Variants in STEAP3 observed in about 807,000 individuals in gnomAD.
STEAP3 encodes STEAP3 metalloreductase.
Under a neutral mutation model 34.9 loss-of-function variants are expected in STEAP3, and 35 were observed. That is an observed-to-expected ratio of 1.00 (90% CI 0.76 to 1.33). The LOEUF (loss-of-function observed/expected upper bound fraction) is 1.33, where lower values mean the gene tolerates loss of function less well. Ranked by LOEUF, STEAP3 falls within the 40% of genes most tolerant of loss-of-function variation. The pLI is 0.00. For missense variants in STEAP3, 652 were observed against 667.6 expected (o/e 0.98, Z 0.26); for synonymous variants, 281 against 301.6 (o/e 0.93, Z 0.71).
At chr2:119,251,463 T>C (rs1677623800) in intron 4 of STEAP3, among the ~76,000 whole-genome samples, 1 of 152,178 alleles carries the variant, frequency 6.6e-6, no homozygotes, top group Non-Finnish European at 1.5e-5. Context: ...TGTATTTCCC[T>C]GGAAATACAC....
At chr2:119,257,181 C>T (rs6742425) in intron 5 of STEAP3, among the ~76,000 whole-genome samples, 9,920 of 152,228 alleles carry the variant, frequency 0.065, 804 homozygotes, top group African/African-American at 0.19. Context: ...ACAAAGAAAA[C>T]AGTGGAGTGT....
intron 2 of STEAP3, among the ~76,000 whole-genome samples, chr2:119,240,771 G>A (rs1008105621): frequency 3.9e-5 from 6 of 152,174 alleles, no homozygotes; most frequent in African/African-American, 1.4e-4. Flanking sequence ...ACAGGCCTCG[G>A]CCCACAGAGC....
intron 1 of STEAP3, among the ~76,000 whole-genome samples, chr2:119,227,368 G>C (rs531201154): frequency 1.3e-5 from 2 of 152,304 alleles, no homozygotes; most frequent in East Asian, 1.9e-4. Context: ...GCCTGGTCTC[G>C]TGAGCCCTGC....
intron 5 of STEAP3, among the ~76,000 whole-genome samples, chr2:119,260,504 CAG>C (rs1400529239): frequency 1.3e-5 from 2 of 152,078 alleles, no homozygotes; most frequent in African/African-American, 2.4e-5. Context: ...CCATGTCGGT[CAG>C]GCTGGTCTTG....
intron 2 of STEAP3, 85 bp from the exon 3 acceptor site, chr2:119,245,404 T>TA: frequency 6.6e-7 from 1 of 1,507,546 alleles, no homozygotes; most frequent in East Asian, 2.3e-5. Context: ...GACTGCCGTG[T>TA]AGTTACGATG....
At position 119,245,482 on chromosome 2, in the gene STEAP3, C is replaced by A; in HGVS notation, c.23-7C>A. ...TCCACTGACCAGGTTCCTGACTTCTCTTGCAGCCACCAAAATGCCAGAAGA... is the reference window on the plus strand; with the variant it reads ...TCCACTGACCAGGTTCCTGACTTCTATTGCAGCCACCAAAATGCCAGAAGA... On this transcript the variant is annotated splice_region_variant and splice_polypyrimidine_tract_variant and intron_variant, in intron 2 of 5. Transcript: ENST00000393110. The A allele has an allele frequency of 1.3e-6, 2 of 1,571,758 alleles. No individual in the cohort carries two copies. Among genetic ancestry groups the A allele is most frequent in the Non-Finnish European group, 1.7e-6 (2 of 1,153,534 alleles).
chr2:119,241,118 A>G (rs1278794433), intron 2 of STEAP3, among the ~76,000 whole-genome samples: 2 of 152,118 alleles, frequency 1.3e-5, no homozygotes. Flanking sequence ...TGCACACACA[A>G]CCAGTCAGAA....
chr2:119,254,808 T>C lies in STEAP3; in HGVS notation c.1175T>C (p.Ile392Thr). The C allele has an allele frequency of 2.5e-6, 4 of 1,614,166 alleles. No homozygotes were observed. The highest frequency in any genetic ancestry group is 3.4e-6 in the Non-Finnish European group (4 of 1,180,032). Residue 392 changes from isoleucine (I) to threonine (T), a missense_variant, in exon 5 of 6, where the codon ATT becomes ACT. Physicochemically the swap from Ile to Thr is moderately conservative, Grantham distance 89. Coordinates refer to ENST00000393110, the MANE Select transcript of STEAP3 (RefSeq NM_182915.3). ...SLLAVTSLPS[I>T]ANSLNWREFS... ...CTGGCCGTGACCTCACTGCCGTCCA[T>C]TGCAAACTCGCTCAACTGGAGGGAG... is the stretch of plus-strand genomic sequence containing the variant.
chr2:119,237,257 C>T (rs1423174604), intron 2 of STEAP3, among the ~76,000 whole-genome samples: 1 of 152,210 alleles, frequency 6.6e-6, no homozygotes, highest in East Asian at 1.9e-4. Flanking sequence ...TCCCACCTGA[C>T]CACTTGCTAG....
At chr2:119,253,742 C>T (rs1238336822) in intron 4 of STEAP3, among the ~76,000 whole-genome samples, 2 of 152,032 alleles carry the variant, frequency 1.3e-5, no homozygotes, top group Non-Finnish European at 2.9e-5. Context: ...TAGGAGGGGG[C>T]TCAGTGGCAA....
At chr2:119,235,043 T>C (rs1474657127) in intron 2 of STEAP3, among the ~76,000 whole-genome samples, 1 of 152,196 alleles carries the variant, frequency 6.6e-6, no homozygotes, top group Admixed American at 6.5e-5. Flanking sequence ...CAGGAAACTC[T>C]GTCCTCTGGG....
At position 119,263,645 on chromosome 2, in the gene STEAP3, C is replaced by T. The variant is rs1678016742; in HGVS notation, c.*307C>T. 2.1e-6 allele frequency: 1 copy of T among 466,512 alleles called. No individual in the cohort carries two copies. The highest frequency in any genetic ancestry group is 3.3e-5 in the Admixed American group (1 of 29,858). The allele number at this position is 466,512 out of a possible 1,614,324, so 28.9% of individuals were successfully genotyped here. A position where few individuals can be genotyped will look rare whatever the true frequency, so the allele number is the denominator to read the frequency against. ...CAAGTGCCGTACGTTAAGAGAAGAG[C>T]AGATCATGCTATTGTGACATTTGCA... On this transcript the variant is annotated 3_prime_UTR_variant, in exon 6 of 6. Transcript: ENST00000393110.
chr2:119,247,592 GC>G, intron 3 of STEAP3, 86 bp from the exon 4 acceptor site: 1 of 1,407,254 alleles, frequency 7.1e-7, no homozygotes, highest in Non-Finnish European at 9.4e-7. Flanking sequence ...TGCCCCTCTG[GC>G]CCTCGGTTTC....
rs1447338120 is a variant in STEAP3, at chr2:119,228,272, C to G, written c.-393-2348C>G. Among the ~76,000 whole-genome samples, 3 of 152,198 alleles carry G rather than the reference C, an allele frequency of 2.0e-5. No individual in the cohort carries two copies. The East Asian group carries it at 5.8e-4, about 29-fold the overall frequency. ...TCTCTCTGAAGGTGAACTCTGGGTGCACAGCTAGAGGATACAGTGGCTGTG... is the reference window on the plus strand; with the variant it reads ...TCTCTCTGAAGGTGAACTCTGGGTGGACAGCTAGAGGATACAGTGGCTGTG... On this transcript the variant is annotated intron_variant, in intron 1 of 5. Transcript: ENST00000393110.
chr2:119,254,047 G>C (rs1370865093), intron 4 of STEAP3, among the ~76,000 whole-genome samples: 2 of 151,708 alleles, frequency 1.3e-5, no homozygotes, highest in Admixed American at 6.6e-5. Flanking sequence ...GGGTCGGGGA[G>C]TGTTGGGGGC....
At chr2:119,254,019 G>A (rs1677701133) in intron 4 of STEAP3, among the ~76,000 whole-genome samples, 1 of 151,556 alleles carries the variant, frequency 6.6e-6, no homozygotes. Flanking sequence ...GGTAGGAAGA[G>A]GGGAGGCTGA....
chr2:119,234,083 C>T (rs1677019975), intron 2 of STEAP3, among the ~76,000 whole-genome samples: 1 of 152,208 alleles, frequency 6.6e-6, no homozygotes, highest in Non-Finnish European at 1.5e-5. Context: ...GCATGCATCC[C>T]TAAGCCCAAA....
chr2:119,260,617 G>A (rs1677915732), intron 5 of STEAP3, among the ~76,000 whole-genome samples: 1 of 152,198 alleles, frequency 6.6e-6, no homozygotes, highest in African/African-American at 2.4e-5. Flanking sequence ...TTGATGGTCA[G>A]TGCTGGGGAC....
intron 3 of STEAP3, among the ~76,000 whole-genome samples, chr2:119,247,124 G>T (rs1330970439): frequency 1.3e-5 from 2 of 152,138 alleles, no homozygotes; most frequent in Non-Finnish European, 2.9e-5. Context: ...GGACCTCGTG[G>T]GTCAGAGCAG....
Sources: allele counts gnomAD v4.1 joint callset (sites outside exome capture counted in the v4.1 genomes callset), GRCh38; gene constraint gnomAD v4.1.1; transcripts MANE v1.5; gene names NCBI Gene and HGNC (gene_info 2026-07-23, HGNC 2026-07-21).